KCP: variants seen among roughly 807,000 people sequenced by gnomAD.
KCP encodes kielin cysteine rich BMP regulator, also known as kielin/chordin-like protein.
In KCP, 194 loss-of-function variants were observed where a neutral mutation model predicts 212.7. The observed-to-expected ratio is 0.91, with a 90% CI of 0.81 to 1.03. The LOEUF (loss-of-function observed/expected upper bound fraction) is 1.03. Among genes scored for constraint, KCP ranks in the 50% least tolerant of loss-of-function variants. KCP has a pLI of 0.00. For missense variants in KCP, 2,080 were observed against 2,162.5 expected (o/e 0.96, Z 0.76); for synonymous variants, 833 against 865.3 (o/e 0.96, Z 0.65).
At chr7:128,896,800 A>T (rs764049660) in intron 8 of KCP, among the ~76,000 whole-genome samples, 22 of 149,154 alleles carry the variant, frequency 1.5e-4, no homozygotes, top group Non-Finnish European at 3.0e-4. Context: ...CTGAGGCAGG[A>T]GAATCACTTG....
chr7:128,883,484 G>A (rs568887134), intron 29 of KCP, among the ~76,000 whole-genome samples: 2 of 152,134 alleles, frequency 1.3e-5, no homozygotes, highest in Middle Eastern at 6.8e-3. Flanking sequence ...GCAAAGGTAG[G>A]TTATCATTTC....
At position 128,893,154 on chromosome 7, in the gene KCP, C is replaced by A. The variant is rs538751799; in HGVS notation, c.1267+84G>T. The A allele has an allele frequency of 9.1e-4, 1,252 of 1,375,032 alleles. 23 individuals are homozygous for A. In the South Asian group the frequency reaches 0.015, roughly 16 times the overall value. The allele number at this position is 1,375,032 out of a possible 1,614,324, so 85.2% of individuals were successfully genotyped here. On this transcript the variant is annotated intron_variant, in intron 13 of 39. Transcript: ENST00000610776. ...TGGCTAGTGGACTTAGCAACCCGTA[C>A]CCCGTCCTGGGAAGGAGCACCCTCC...
At chr7:128,884,932 T>G in intron 27 of KCP, 69 bp from the exon 28 acceptor site, 5 of 1,490,230 alleles carry the variant, frequency 3.4e-6, no homozygotes, top group Non-Finnish European at 4.6e-6. Flanking sequence ...AGGGGTGGAG[T>G]CCTCTATCTC....
intron 31 of KCP, 64 bp downstream of exon 31, chr7:128,881,562 C>T (rs561234228): frequency 2.1e-5 from 25 of 1,205,400 alleles, no homozygotes; most frequent in Middle Eastern, 4.8e-4. Context: ...CCCATGAATG[C>T]CTCCCCTTCC....
chr7:128,887,861 A>C (rs1485558198), intron 22 of KCP, among the ~76,000 whole-genome samples: 1 of 149,784 alleles, frequency 6.7e-6, no homozygotes, highest in African/African-American at 2.5e-5. Context: ...ATACCCACCT[A>C]CACACAGCCA....
At chr7:128,905,646 TTGAC>T (rs1795087320) in intron 5 of KCP, among the ~76,000 whole-genome samples, 1 of 152,210 alleles carries the variant, frequency 6.6e-6, no homozygotes, top group South Asian at 2.1e-4. Flanking sequence ...AAGCGCCCCC[TTGAC>T]CATGCCACAC....
chr7:128,894,127 C>G, intron 9 of KCP, 72 bp from the exon 10 acceptor site: 1 of 1,513,140 alleles, frequency 6.6e-7, no homozygotes, highest in Non-Finnish European at 8.9e-7. Context: ...CATGGGCCCC[C>G]GAGCAGGGCC....
At position 128,892,935 on chromosome 7, in the gene KCP, C is replaced by T. The variant is rs1794262911; in HGVS notation, c.1354G>A (p.Gly452Arg). The T allele has an allele frequency of 2.0e-6, 3 of 1,474,776 alleles. No homozygotes were observed. Among genetic ancestry groups the T allele is most frequent in the Non-Finnish European group, 2.8e-6 (3 of 1,077,090 alleles). The allele number at this position is 1,474,776 out of a possible 1,614,324, so 91.4% of individuals were successfully genotyped here. Residue 452 changes from glycine to arginine, a missense_variant, in exon 14 of 40, where the codon GGG becomes AGG. Transcript: ENST00000610776. ...AGCACAGCCCCGCACTTGGGTACCC[C>T]ATCTTGACAGACGCAGGCGGTGCAG... ...RPCTACVCQD[G>R]VPKCGAVLCP...
chr7:128,905,690 C>G (rs937261136), intron 5 of KCP, among the ~76,000 whole-genome samples: 12 of 152,178 alleles, frequency 7.9e-5, no homozygotes, highest in Admixed American at 5.2e-4. Context: ...CCCCCCACTG[C>G]CCATAGAAAA....
rs375491885 is a variant in KCP, at chr7:128,907,437, G to C, written c.236C>G (p.Thr79Arg). 25 of 1,495,998 alleles carry C rather than the reference G, an allele frequency of 1.7e-5. No homozygotes were observed. Among genetic ancestry groups the C allele is most frequent in the Non-Finnish European group, 2.1e-5 (23 of 1,112,796 alleles). 92.7% of individuals were successfully genotyped at this position (1,495,998 alleles called of 1,614,324 possible). A position where few individuals can be genotyped will look rare whatever the true frequency, so the allele number is the denominator to read the frequency against. ...ACAGGACTCCAGCTGCCTCACCCTC[G>C]TCTGCAGGTCCTTATTCTGGAGGAA... ...ELREQNKDLQTRVRQLESCEC... is the reference protein window; with the variant it reads ...ELREQNKDLQRRVRQLESCEC... Residue 79 changes from threonine to arginine, a missense_variant, in exon 3 of 40, where the codon ACG becomes AGG. Transcript: ENST00000610776.
At chr7:128,893,774 C>T in intron 11 of KCP, 32 bp downstream of exon 11, 1 of 1,541,118 alleles carries the variant, frequency 6.5e-7, no homozygotes, top group African/African-American at 1.4e-5. Flanking sequence ...CCAAGGCCTG[C>T]CCCTCCCGCA....
At chr7:128,891,320 G>T (rs1445211456) in intron 18 of KCP, 42 bp from the exon 19 acceptor site, 2 of 1,547,156 alleles carry the variant, frequency 1.3e-6, no homozygotes, top group Middle Eastern at 1.7e-4. Context: ...GGGTTAGTTG[G>T]GGGAGGCCGA....
At chr7:128,885,326 C>T in intron 26 of KCP, 56 bp from the exon 27 acceptor site, 3 of 1,484,690 alleles carry the variant, frequency 2.0e-6, no homozygotes, top group Non-Finnish European at 2.7e-6. Flanking sequence ...GACATCTGCT[C>T]CTGGCCCCCA....
chr7:128,877,130 G>A lies in KCP; in HGVS notation c.4800C>T (p.Pro1600=), dbSNP rs181807981. 1,201 of 1,510,290 alleles carry A rather than the reference G, an allele frequency of 8.0e-4. 8 individuals carry two copies. The African/African-American group carries it at 0.014, about 18-fold the overall frequency. The allele number at this position is 1,510,290 out of a possible 1,614,324, so 93.6% of individuals were successfully genotyped here. A position where few individuals can be genotyped will look rare whatever the true frequency, so the allele number is the denominator to read the frequency against. Residue 1600 remains proline (P), a synonymous_variant, in exon 40 of 40, where the codon CCC becomes CCT. Coordinates refer to ENST00000610776, the MANE Select transcript of KCP (RefSeq NM_001366122.1). ...LVEHEAHCIP[P]EACPQVLLTG... is the part of the protein sequence containing the mutation. ...TGAGCAGGACTTGGGGGCAGGCCTC[G>A]GGTGGGATGCAGTGGGCCTCATGCT...
At chr7:128,882,085 C>A in intron 29 of KCP, 69 bp from the exon 30 acceptor site, 1 of 1,208,582 alleles carries the variant, frequency 8.3e-7, no homozygotes, top group Non-Finnish European at 1.2e-6. Flanking sequence ...CAGCTGTCCC[C>A]ATGCACTGTG....
intron 8 of KCP, among the ~76,000 whole-genome samples, chr7:128,900,713 G>A (rs1000943480): frequency 3.3e-5 from 5 of 152,210 alleles, no homozygotes; most frequent in East Asian, 1.9e-4. Context: ...TCGCCATGCC[G>A]ATGCTTTCTG....
In KCP at chr7:128,893,419, C is replaced by G. The variant is rs757813837; in HGVS notation, c.1157G>C (p.Arg386Pro). Residue 386 changes from arginine (R) to proline (P), a missense_variant, in exon 12 of 40, where the codon CGG (arginine) becomes CCG (proline). Arg to Pro is a moderately radical substitution (Grantham distance 103). Coordinates refer to ENST00000610776, the MANE Select transcript of KCP (RefSeq NM_001366122.1). ...QSQETFRLQE[R>P]GLCVRCSCQA... ...GCAGGAGCAGCGGACACAGAGGCCCCGCTCTTGGAGTCTGAAGGTCTCCTG... is the reference window on the plus strand; with the variant it reads ...GCAGGAGCAGCGGACACAGAGGCCCGGCTCTTGGAGTCTGAAGGTCTCCTG... 9 of 1,551,538 alleles carry G rather than the reference C, an allele frequency of 5.8e-6. No homozygotes were observed. The highest frequency in any genetic ancestry group is 2.6e-6 in the Non-Finnish European group (3 of 1,146,968).
chr7:128,895,715 G>A (rs1354575230), intron 8 of KCP, among the ~76,000 whole-genome samples: 1 of 152,186 alleles, frequency 6.6e-6, no homozygotes, highest in Non-Finnish European at 1.5e-5. Flanking sequence ...AAACCAAGAT[G>A]GCAATGAGAG....
At chr7:128,899,872 A>ATGTAAGGAATCATGATTCCTT in intron 8 of KCP, among the ~76,000 whole-genome samples, 81 of 151,910 alleles carry the variant, frequency 5.3e-4, no homozygotes, top group African/African-American at 1.7e-3. Flanking sequence ...TTAAGGAATC[A>ATGTAAGGAATCATGATTCCTT]AATTTGACTT....
Sources: allele counts gnomAD v4.1 joint callset (sites outside exome capture counted in the v4.1 genomes callset), GRCh38; gene constraint gnomAD v4.1.1; transcripts MANE v1.5; gene names NCBI Gene and HGNC (gene_info 2026-07-23, HGNC 2026-07-21).